EIF2AK3: variants seen among roughly 807,000 people sequenced by gnomAD.
EIF2AK3 encodes the protein eukaryotic translation initiation factor 2-alpha kinase 3.
A neutral mutation model predicts 113.5 loss-of-function variants in EIF2AK3; 50 were observed. The ratio of observed to expected loss-of-function variants is 0.44; its 90% confidence interval spans 0.35 to 0.56. The LOEUF (loss-of-function observed/expected upper bound fraction) is 0.56. Among genes scored for constraint, EIF2AK3 ranks in the 20% least tolerant of loss-of-function variants. EIF2AK3 has a pLI of 0.00. For synonymous variants in EIF2AK3, 448 were observed against 495.4 expected, an observed-to-expected ratio of 0.90 and a Z score of 1.27; for missense variants, 1,185 against 1,378.0, an observed-to-expected ratio of 0.86 and a Z score of 2.22.
chr2:88,571,012 A>G lies in EIF2AK3; in HGVS notation c.2847T>C (p.Asp949=), dbSNP rs1454222387. ...ACCCAAAGTCTCCAACCTTGACCAC[A>G]TCATCCATTGTAAAGAATATGTTGG... is the stretch of plus-strand genomic sequence containing the variant. ...KPSNIFFTMD[D]VVKVGDFGLV... Residue 949 remains aspartate, a synonymous_variant, in exon 14 of 17, where the codon GAT becomes GAC. Coordinates refer to ENST00000303236, the MANE Select transcript of EIF2AK3 (RefSeq NM_004836.7). The G allele has an allele frequency of 1.9e-6, 3 of 1,614,228 alleles. No homozygotes were observed. The highest frequency in any genetic ancestry group is 1.7e-6 in the Non-Finnish European group (2 of 1,180,036).
rs1160910411 is a variant in EIF2AK3, at chr2:88,613,748, C to T, written c.414G>A (p.Val138=). The T allele has an allele frequency of 1.2e-6, 2 of 1,614,130 alleles. No individual in the cohort carries two copies. The highest frequency in any genetic ancestry group is 1.3e-5 in the African/African-American group (1 of 75,044). ...CCTCTGGTTTGCTAAGGCTGGATGA[C>T]ACCAAGGAACCGGATCCCACATCCA... ...WDLDVGSGSL[V]SSSLSKPEVF... The change falls in exon 2 of 17, where the codon GTG becomes GTA. Residue 138 remains valine (V), a synonymous_variant. Coordinates refer to ENST00000303236, the MANE Select transcript of EIF2AK3 (RefSeq NM_004836.7).
Position 88,595,645 on chromosome 2 carries a change from T to A in EIF2AK3, c.457A>T (p.Ile153Phe). The A allele has an allele frequency of 6.2e-7, 1 of 1,613,900 alleles. No individual in the cohort carries two copies. The highest frequency in any genetic ancestry group is 1.1e-5 in the South Asian group (1 of 91,082). The change falls in exon 3 of 17, where the codon ATC (isoleucine) becomes TTC (phenylalanine). Residue 153 changes from isoleucine (I) to phenylalanine (F), a missense_variant. Physicochemically the swap from Ile to Phe is conservative, Grantham distance 21. Coordinates refer to ENST00000303236, the MANE Select transcript of EIF2AK3 (RefSeq NM_004836.7). ...AGGGCTCCATCCAGGGAAGGAATGA[T>A]CATCTTATTCCCAAATACCTAAAAC... ...SKPEVFGNKM[I>F]IPSLDGALFQ...
At chr2:88,585,813 C>T (rs776494331) in intron 9 of EIF2AK3, 28 bp downstream of exon 9, 4 of 1,604,122 alleles carry the variant, frequency 2.5e-6, no homozygotes, top group Admixed American at 3.4e-5. Context: ...GAAGTGGAAA[C>T]CAGACAGTAA....
At chr2:88,559,013 A>G in intron 15 of EIF2AK3, 34 bp from the exon 16 acceptor site, 1 of 1,394,474 alleles carries the variant, frequency 7.2e-7, no homozygotes, top group Non-Finnish European at 1.0e-6. Context: ...TATTAAGTTT[A>G]TTTTGACATA....
chr2:88,565,122 C>A (rs894230296), intron 14 of EIF2AK3, among the ~76,000 whole-genome samples: 19 of 151,440 alleles, frequency 1.3e-4, no homozygotes, highest in African/African-American at 4.1e-4. Flanking sequence ...CTGCAACCTC[C>A]CCCTCCTGGG....
chr2:88,617,036 C>T lies in EIF2AK3; in HGVS notation c.309-3183G>A, dbSNP rs187488469. Among the ~76,000 whole-genome samples the T allele has an allele frequency of 1.9e-3, 285 of 152,214 alleles. 1 individual carries two copies. The highest frequency in any genetic ancestry group is 3.3e-3 in the Non-Finnish European group (225 of 68,032). On this transcript the variant is annotated intron_variant, in intron 1 of 16. Coordinates refer to ENST00000303236, the MANE Select transcript of EIF2AK3 (RefSeq NM_004836.7). The stretch of plus-strand genomic sequence containing the variant: ...TGTGGTTGGAATTAAGAAGCACCAC[C>T]GGAGCAATAAAGATTTGCTACTATA...
At chr2:88,587,944 A>T (rs1348383597) in intron 8 of EIF2AK3, 38 bp downstream of exon 8, 1 of 1,381,366 alleles carries the variant, frequency 7.2e-7, no homozygotes, top group Non-Finnish European at 9.9e-7. Context: ...ATTTCAAATT[A>T]AAAAATAAAA....
chr2:88,583,345 T>C, intron 10 of EIF2AK3, 85 bp downstream of exon 10: 1 of 968,974 alleles, frequency 1.0e-6, no homozygotes, highest in Non-Finnish European at 1.6e-6. Context: ...TTTTTCTAGA[T>C]ATCCACACAT....
chr2:88,590,760 G>A, intron 5 of EIF2AK3, 58 bp downstream of exon 5: 1 of 1,594,644 alleles, frequency 6.3e-7, no homozygotes, highest in Non-Finnish European at 8.6e-7. Flanking sequence ...CAATCAATAA[G>A]TTTGGTCAGA....
At chr2:88,609,834 C>A (rs376117304) in intron 2 of EIF2AK3, among the ~76,000 whole-genome samples, 1 of 148,232 alleles carries the variant, frequency 6.7e-6, no homozygotes, top group South Asian at 2.1e-4. Flanking sequence ...TTGGGCCAGG[C>A]ATGGTGGCTC....
At chr2:88,586,550 A>G (rs1674736375) in intron 8 of EIF2AK3, among the ~76,000 whole-genome samples, 1 of 136,978 alleles carries the variant, frequency 7.3e-6, no homozygotes, top group Non-Finnish European at 1.6e-5. Context: ...TTTGTCTTCT[A>G]TTTTGTACTA....
In EIF2AK3 at chr2:88,583,493, G is replaced by A; in HGVS notation, c.1700C>T (p.Ser567Phe). 1.2e-6 allele frequency: 2 copies of A among 1,613,168 alleles called. No individual in the cohort carries two copies. The highest frequency in any genetic ancestry group is 1.7e-6 in the Non-Finnish European group (2 of 1,179,666). Reference sequence around the variant, plus strand: ...ACTGTCATTGGCTTCACCACTTACAGAATCATATTTATTTTCAGTTTGACA... The same window carrying A: ...ACTGTCATTGGCTTCACCACTTACAAAATCATATTTATTTTCAGTTTGACA... The part of the protein sequence containing the change: ...TQCQTENKYD[S>F]VSGEANDSSW... The change falls in exon 10 of 17, where the codon TCT becomes TTT. Residue 567 changes from serine (S) to phenylalanine (F), a missense_variant. Physicochemically the swap from Ser to Phe is radical, Grantham distance 155. This residue lies in a region of EIF2AK3 where 877 missense variants were observed against 1,024.2 expected (regional missense o/e 0.86). Transcript: ENST00000303236.
At chr2:88,610,447 G>A (rs915861865) in intron 2 of EIF2AK3, among the ~76,000 whole-genome samples, 1 of 152,134 alleles carries the variant, frequency 6.6e-6, no homozygotes, top group African/African-American at 2.4e-5. Context: ...TGTTTTGGCA[G>A]ATTATTAAAA....
chr2:88,577,526 A>G (rs759454113), intron 11 of EIF2AK3, among the ~76,000 whole-genome samples: 32 of 148,002 alleles, frequency 2.2e-4, no homozygotes, highest in Non-Finnish European at 3.0e-4. Context: ...CAGTGATGCG[A>G]TCTCAGCTCA....
intron 2 of EIF2AK3, among the ~76,000 whole-genome samples, chr2:88,611,500 G>C (rs1029562951): frequency 6.6e-6 from 1 of 151,598 alleles, no homozygotes; most frequent in African/African-American, 2.4e-5. Context: ...AATACCTTCA[G>C]ATTTTCTTTT....
intron 4 of EIF2AK3, 80 bp from the exon 5 acceptor site, chr2:88,591,132 G>A (rs1674879581): frequency 8.0e-7 from 1 of 1,253,710 alleles, no homozygotes; most frequent in Admixed American, 1.8e-5. Flanking sequence ...CTAGATTGAA[G>A]AAGCAAATAC....
At chr2:88,566,808 C>T (rs1674142044) in intron 14 of EIF2AK3, among the ~76,000 whole-genome samples, 1 of 152,114 alleles carries the variant, frequency 6.6e-6, no homozygotes. Flanking sequence ...ATTATCTGAG[C>T]ATGGCGGTGT....
chr2:88,615,851 A>G lies in EIF2AK3; in HGVS notation c.309-1998T>C, dbSNP rs181418909. On this transcript the variant is annotated intron_variant, in intron 1 of 16. Coordinates refer to ENST00000303236, the MANE Select transcript of EIF2AK3 (RefSeq NM_004836.7). ...TTCTATGTTGAACTATTTCTAATCA[A>G]GTTCTCGCCCCTACCACCTCACTAA... 1.2e-4 allele frequency among the ~76,000 whole-genome samples: 19 copies of G among 152,144 alleles called. No individual in the cohort carries two copies. The East Asian group carries it at 3.7e-3, about 29-fold the overall frequency.
At chr2:88,562,646 CG>C (rs1673996103) in intron 14 of EIF2AK3, among the ~76,000 whole-genome samples, 1 of 152,172 alleles carries the variant, frequency 6.6e-6, no homozygotes, top group Non-Finnish European at 1.5e-5. Context: ...ACAGGCCCCT[CG>C]GAAACCTGGA....
Sources: gnomAD v4.1 joint callset for allele counts (sites outside exome capture counted in the v4.1 genomes callset) on GRCh38, gnomAD v4.1.1 for gene constraint, gnomAD v4.1.1 regional missense constraint, MANE v1.5 for transcripts, NCBI Gene and HGNC (gene_info 2026-07-23, HGNC 2026-07-21) for gene names.